The following ADAMTS13 variants were observed in gnomAD, a reference collection of about 807,000 sequenced individuals.
ADAMTS13 encodes the protein A disintegrin and metalloproteinase with thrombospondin motifs 13.
ADAMTS13 carries 110 observed loss-of-function variants against 155.1 expected under a neutral mutation model. That is an observed-to-expected ratio of 0.71 (90% CI 0.61 to 0.83). ADAMTS13 has a LOEUF of 0.83. ADAMTS13 is among the 40% of genes least tolerant of loss of function. The pLI is 0.00. For missense variants in ADAMTS13, 1,707 were observed against 1,891.7 expected, an observed-to-expected ratio of 0.90 and a Z score of 1.81; for synonymous variants, 758 against 756.4, an observed-to-expected ratio of 1.00 and a Z score of -0.03.
chr9:133,429,824 A>T, intron 7 of ADAMTS13, 115 bp from the exon 8 acceptor site: 1 of 1,377,028 alleles, frequency 7.3e-7, no homozygotes, highest in Non-Finnish European at 1.0e-6. Flanking sequence ...TCCTGTTCCC[A>T]CTCACAAAAG....
chr9:133,438,236 CT>C lies in ADAMTS13; in HGVS notation c.1585-7del, dbSNP rs1841398916. 1.2e-6 allele frequency: 2 copies of C among 1,614,014 alleles called. No individual in the cohort carries two copies. Among genetic ancestry groups the C allele is most frequent in the Admixed American group, 3.3e-5 (2 of 60,004 alleles). ...AGTGACACGGGCCCTCTGTCCTTCC[CT>C]TTGCATAGACATTTGGCTGTGATGG... On this transcript the variant is annotated splice_polypyrimidine_tract_variant and intron_variant, in intron 13 of 28. Coordinates refer to ENST00000355699, the MANE Select transcript of ADAMTS13 (RefSeq NM_139027.6).
At chr9:133,443,713 T>G in intron 19 of ADAMTS13, 152 bp downstream of exon 19, 2 of 866,172 alleles carry the variant, frequency 2.3e-6, no homozygotes, top group South Asian at 1.9e-5. Flanking sequence ...CTGGCGGTTG[T>G]AAGTGCTGCT....
In ADAMTS13 at chr9:133,425,010, C is replaced by G. The variant is rs1400177049; in HGVS notation, c.331-519C>G. 6.6e-6 allele frequency among the ~76,000 whole-genome samples: 1 copy of G among 152,160 alleles called. No individual in the cohort carries two copies. The highest frequency in any genetic ancestry group is 1.5e-5 in the Non-Finnish European group (1 of 68,038). ...GGGAAGGGCGGGCAGGGAAGCACTC[C>G]CCCACTAGCCGCCGTCTCAGAAAGA... On this transcript the variant is annotated intron_variant, in intron 3 of 28. Coordinates refer to ENST00000355699, the MANE Select transcript of ADAMTS13 (RefSeq NM_139027.6). This position sits in a 1 kb window ranked among gnomAD's most constrained non-coding sequence, Gnocchi z 4.6.
At chr9:133,458,208 T>C in intron 28 of ADAMTS13, 114 bp downstream of exon 28, 1 of 1,270,132 alleles carries the variant, frequency 7.9e-7, no homozygotes, top group Non-Finnish European at 1.1e-6. Context: ...AAATCATTAG[T>C]GAAAGAATGG....
Position 133,424,533 on chromosome 9 carries a change from T to C in ADAMTS13, c.330+55T>C, listed in dbSNP as rs1029351898. On this transcript the variant is annotated intron_variant, in intron 3 of 28. Coordinates refer to ENST00000355699, the MANE Select transcript of ADAMTS13 (RefSeq NM_139027.6). The surrounding 1 kb of genome is among the most constrained non-coding windows in gnomAD (Gnocchi z 4.3). Reference sequence around the variant, plus strand: ...CCCCACGGCCAGGGCTGGTGACCAATGTCTGTGGGCTGGTGTATCTGGTAG... The same window carrying C: ...CCCCACGGCCAGGGCTGGTGACCAACGTCTGTGGGCTGGTGTATCTGGTAG... 52 of 1,575,102 alleles carry C rather than the reference T, an allele frequency of 3.3e-5. No individual in the cohort carries two copies. The Admixed American group carries it at 7.3e-4, about 22-fold the overall frequency.
Position 133,459,253 on chromosome 9 carries a change from C to A in ADAMTS13, c.*73C>A. The A allele has an allele frequency of 7.0e-7, 1 of 1,431,994 alleles. No homozygotes were observed. The highest frequency in any genetic ancestry group is 1.2e-5 in the South Asian group (1 of 81,424). 88.7% of individuals were successfully genotyped at this position (1,431,994 alleles called of 1,614,324 possible). The stretch of plus-strand genomic sequence containing the variant: ...CCCCTGGTCTCAGTGCTTTCCAATT[C>A]GAACTTTTTCCAATCTTAGGTATCT... On this transcript the variant is annotated 3_prime_UTR_variant, in exon 29 of 29. Transcript: ENST00000355699.
chr9:133,439,864 CT>C (rs1264067775), intron 15 of ADAMTS13, among the ~76,000 whole-genome samples: 6 of 152,220 alleles, frequency 3.9e-5, no homozygotes, highest in Non-Finnish European at 7.3e-5. Flanking sequence ...GGTGGATACT[CT>C]CAGTCTCTTG....
rs782008849 is a variant in ADAMTS13, at chr9:133,448,550, T to C, written c.2732-49T>C. On this transcript the variant is annotated intron_variant, in intron 21 of 28. Transcript: ENST00000355699. ...GTCCAGTGAGCCTGGGCTGCAGTCC[T>C]TGCTGAGCCTGTCCCTTGGGGCTCT... 7 of 1,603,296 alleles carry C rather than the reference T, an allele frequency of 4.4e-6. No individual in the cohort carries two copies. The Admixed American group carries it at 6.7e-5, about 15-fold the overall frequency.
chr9:133,454,566 C>A lies in ADAMTS13; in HGVS notation c.3196C>A (p.Pro1066Thr), dbSNP rs782025111. 1.2e-6 allele frequency: 2 copies of A among 1,607,712 alleles called. No homozygotes were observed. The highest frequency in any genetic ancestry group is 3.3e-5 in the Admixed American group (2 of 59,992). ...AALVRPEASVPCLIADCTYRW... is the reference protein window; with the variant it reads ...AALVRPEASVTCLIADCTYRW... Reference sequence around the variant, plus strand: ...GCTGGTGCGGCCCGAGGCCAGTGTCCCCTGTCTCATTGCCGACTGCACCTA... The same window carrying A: ...GCTGGTGCGGCCCGAGGCCAGTGTCACCTGTCTCATTGCCGACTGCACCTA... Residue 1066 changes from proline to threonine, a missense_variant, in exon 24 of 29, where the codon CCC (proline) becomes ACC (threonine). Around this residue, in one of 3 missense-constraint regions of ADAMTS13, gnomAD observed 961 missense variants for 1,107.9 expected, o/e 0.87. Transcript: ENST00000355699.
chr9:133,449,155 C>T (rs373867376), intron 22 of ADAMTS13, among the ~76,000 whole-genome samples: 1 of 151,996 alleles, frequency 6.6e-6, no homozygotes, highest in African/African-American at 2.4e-5. Flanking sequence ...AATGCATGCT[C>T]GATGCAACGC....
intron 19 of ADAMTS13, among the ~76,000 whole-genome samples, chr9:133,443,778 C>T (rs1554791699): frequency 6.6e-6 from 1 of 152,178 alleles, no homozygotes; most frequent in African/African-American, 2.4e-5. Context: ...CCTCTCTGAG[C>T]TTCCGAGCCC....
chr9:133,422,896 A>C (rs1588149327), intron 1 of ADAMTS13, among the ~76,000 whole-genome samples: 1 of 133,530 alleles, frequency 7.5e-6, no homozygotes. Flanking sequence ...CTCCCTCTTC[A>C]TCCATCTCTT....
In ADAMTS13 at chr9:133,445,852, C is replaced by A. The variant is rs1554792470; in HGVS notation, c.2731+33C>A. On this transcript the variant is annotated intron_variant, in intron 21 of 28. Coordinates refer to ENST00000355699, the MANE Select transcript of ADAMTS13 (RefSeq NM_139027.6). The surrounding 1 kb of genome is among the most constrained non-coding windows in gnomAD (Gnocchi z 5.0). ...CCCCCGGGATGCTCCTGGGGACCAG[C>A]ACTCATGGTAACTCTCCTGTCCACT... is the stretch of plus-strand genomic sequence containing the variant. 6.5e-7 allele frequency: 1 copy of A among 1,541,042 alleles called. No individual in the cohort carries two copies.
chr9:133,428,665 A>G lies in ADAMTS13; in HGVS notation c.718A>G (p.Ser240Gly). ...CCTGGAGCACGACGGCGCGCCCGGC[A>G]GCGGCTGCGGCCCCAGCGGACACGT... ...FGLEHDGAPG[S>G]GCGPSGHVMA... Residue 240 changes from serine to glycine, a missense_variant, in exon 7 of 29, where the codon AGC (serine) becomes GGC (glycine). Ser to Gly is a moderately conservative substitution (Grantham distance 56). This residue lies in a region of ADAMTS13 where 733 missense variants were observed against 749.6 expected (regional missense o/e 0.98). Transcript: ENST00000355699. The G allele has an allele frequency of 7.4e-7, 1 of 1,344,332 alleles. No homozygotes were observed. Among genetic ancestry groups the G allele is most frequent in the Admixed American group, 2.8e-5 (1 of 35,378 alleles). 83.3% of individuals were successfully genotyped at this position (1,344,332 alleles called of 1,614,324 possible). A position where few individuals can be genotyped will look rare whatever the true frequency, so the allele number is the denominator to read the frequency against.
intron 22 of ADAMTS13, 136 bp downstream of exon 22, chr9:133,448,864 C>T (rs1188591347): frequency 1.8e-5 from 25 of 1,377,378 alleles, no homozygotes; most frequent in South Asian, 3.9e-5. Flanking sequence ...GGACCATGGC[C>T]GCCCCATCCC....
Position 133,441,930 on chromosome 9 carries a change from C to T in ADAMTS13, c.1969-469C>T, listed in dbSNP as rs1554790892. Among the ~76,000 whole-genome samples the T allele has an allele frequency of 6.6e-6, 1 of 152,184 alleles. No individual in the cohort carries two copies. Among genetic ancestry groups the T allele is most frequent in the African/African-American group, 2.4e-5 (1 of 41,444 alleles). On this transcript the variant is annotated intron_variant, in intron 16 of 28. Transcript: ENST00000355699. The surrounding 1 kb of genome is among the most constrained non-coding windows in gnomAD (Gnocchi z 5.0). ...TGCACTTTATCCTCTACCCAGCCAGCTTAGGGAACCTTCTCTGTGCTGCCC... is the reference window on the plus strand; with the variant it reads ...TGCACTTTATCCTCTACCCAGCCAGTTTAGGGAACCTTCTCTGTGCTGCCC...
chr9:133,436,782 G>GCCCCCCCCCCC, intron 11 of ADAMTS13, 47 bp from the exon 12 acceptor site: 1 of 653,246 alleles, frequency 1.5e-6, no homozygotes, highest in Non-Finnish European at 2.2e-6. Context: ...GACAACACCC[G>GCCCCCCCCCCC]CCCCCCGCCC....
At position 133,436,850 on chromosome 9, in the gene ADAMTS13, G is replaced by A. The variant is rs587708651; in HGVS notation, c.1330G>A (p.Glu444Lys). 6.3e-7 allele frequency: 1 copy of A among 1,588,150 alleles called. No homozygotes were observed. The highest frequency in any genetic ancestry group is 8.6e-7 in the Non-Finnish European group (1 of 1,168,520). ...CCAGGCCTGCGAGAAGACCCAGCTG[G>A]AGTTCATGTCGCAACAGTGCGCCAG... ...NTQACEKTQL[E>K]FMSQQCARTD... Residue 444 changes from glutamate (E) to lysine (K), a missense_variant, in exon 12 of 29, where the codon GAG (glutamate) becomes AAG (lysine). Coordinates refer to ENST00000355699, the MANE Select transcript of ADAMTS13 (RefSeq NM_139027.6).
At chr9:133,436,709 C>G in intron 11 of ADAMTS13, 120 bp from the exon 12 acceptor site, 1 of 1,071,026 alleles carries the variant, frequency 9.3e-7, no homozygotes, top group South Asian at 1.4e-5. Context: ...GAGGCACGGC[C>G]TGGAGCTGAG....
Sources: allele counts gnomAD v4.1 joint callset (sites outside exome capture counted in the v4.1 genomes callset), GRCh38; gene constraint gnomAD v4.1.1; regional missense constraint gnomAD v4.1.1; non-coding constraint Gnocchi (gnomAD v3.1); transcripts MANE v1.5; gene names NCBI Gene and HGNC (gene_info 2026-07-23, HGNC 2026-07-21).